Variants in HS6ST2 observed in about 807,000 individuals in gnomAD.
HS6ST2 encodes the protein heparan sulfate 6-O-sulfotransferase 2.
Under a neutral mutation model 33.0 loss-of-function variants are expected in HS6ST2, and 17 were observed. That is an observed-to-expected ratio of 0.52 (90% CI 0.35 to 0.77). HS6ST2 has a LOEUF of 0.77. Among genes scored for constraint, HS6ST2 ranks in the 30% least tolerant of loss-of-function variants. The pLI is 0.01. For synonymous variants in HS6ST2, 248 were observed against 237.1 expected (o/e 1.05, Z -0.42); for missense variants, 519 against 551.7 (o/e 0.94, Z 0.59).
chrX:132,642,611 T>A (rs2063609035), intron 4 of HS6ST2, among the ~76,000 whole-genome samples: 2 of 111,907 alleles, frequency 1.8e-5, no homozygotes, highest in Non-Finnish European at 3.8e-5. Context: ...ATGGCTGGGC[T>A]ACATGTGTGG....
rs903877090 is a variant in HS6ST2, at chrX:132,786,574, A to G, written c.948-78080T>C. Among the ~76,000 whole-genome samples, 5 of 109,498 alleles carry G rather than the reference A, an allele frequency of 4.6e-5. No individual in the cohort carries two copies. The Middle Eastern group carries it at 0.019, about 413-fold the overall frequency. On this transcript the variant is annotated intron_variant, in intron 2 of 4. Transcript: ENST00000370833. The stretch of plus-strand genomic sequence containing the variant: ...TGCCATCCTCAAAGCTGCATCTTTA[A>G]TCCTTGTCATTATCTTCTTTCTCTT...
chrX:132,823,853 A>AAAAAAAAT (rs774177926), intron 2 of HS6ST2, among the ~76,000 whole-genome samples: 3 of 92,514 alleles, frequency 3.2e-5, no homozygotes, highest in African/African-American at 1.2e-4. Flanking sequence ...ACTTCATAAA[A>AAAAAAAAT]AATAATAATA....
intron 2 of HS6ST2, among the ~76,000 whole-genome samples, chrX:132,840,913 T>A (rs1264047052): frequency 2.7e-5 from 3 of 112,517 alleles, no homozygotes; most frequent in African/African-American, 9.7e-5. Flanking sequence ...TTCATAAAAA[T>A]CGCAAAGCAA....
chrX:132,655,518 G>T (rs1366955604), intron 4 of HS6ST2, among the ~76,000 whole-genome samples: 2 of 111,528 alleles, frequency 1.8e-5, no homozygotes, highest in Admixed American at 1.9e-4. Context: ...CAAGGTACTA[G>T]AGCTGGGATA....
intron 2 of HS6ST2, among the ~76,000 whole-genome samples, chrX:132,935,796 A>ATAC (rs958902528): frequency 4.5e-5 from 5 of 110,864 alleles, no homozygotes; most frequent in African/African-American, 1.6e-4. Context: ...GAAACCAAAC[A>ATAC]TACCAAAACC....
intron 2 of HS6ST2, among the ~76,000 whole-genome samples, chrX:132,729,005 C>T (rs776064086): frequency 3.6e-5 from 4 of 112,214 alleles, no homozygotes; most frequent in Non-Finnish European, 7.5e-5. Flanking sequence ...TGTGAAGTGG[C>T]ATTAAATCTT....
chrX:132,652,328 T>C (rs1176984846), intron 4 of HS6ST2, among the ~76,000 whole-genome samples: 1 of 112,169 alleles, frequency 8.9e-6, no homozygotes, highest in Non-Finnish European at 1.9e-5. Context: ...GATGACCCAA[T>C]AGGCATTTAC....
At chrX:132,708,584 C>A in intron 2 of HS6ST2, 90 bp from the exon 3 acceptor site, 2 of 803,754 alleles carry the variant, frequency 2.5e-6, no homozygotes, top group Non-Finnish European at 1.8e-6. Context: ...GCTTTAAGAG[C>A]ATATTTCTCC....
intron 2 of HS6ST2, among the ~76,000 whole-genome samples, chrX:132,814,363 A>G (rs1356035900): frequency 8.9e-6 from 1 of 112,092 alleles, no homozygotes; most frequent in Non-Finnish European, 1.9e-5. Context: ...TTCAGTTTGA[A>G]TCTGGAGTCT....
At chrX:132,946,098 C>T (rs1297490206) in intron 2 of HS6ST2, among the ~76,000 whole-genome samples, 2 of 111,754 alleles carry the variant, frequency 1.8e-5, no homozygotes, top group East Asian at 2.8e-4. Flanking sequence ...GTTAGAATGG[C>T]GATCATTAAA....
chrX:132,665,034 T>C (rs192731454), intron 4 of HS6ST2, among the ~76,000 whole-genome samples: 58 of 112,067 alleles, frequency 5.2e-4, no homozygotes, highest in African/African-American at 1.8e-3. Context: ...AACAATACTG[T>C]TGAGGAAAGG....
At chrX:132,644,477 C>T (rs191017801) in intron 4 of HS6ST2, among the ~76,000 whole-genome samples, 1 of 111,270 alleles carries the variant, frequency 9.0e-6, no homozygotes, top group African/African-American at 3.3e-5. Context: ...AGGACCAGAA[C>T]CCAGGTTTCC....
intron 2 of HS6ST2, among the ~76,000 whole-genome samples, chrX:132,925,334 G>A (rs1447714183): frequency 2.7e-5 from 3 of 111,688 alleles, no homozygotes; most frequent in Non-Finnish European, 5.6e-5. Flanking sequence ...ATGTAAGCAA[G>A]TGTTCCTTGA....
rs1452828318 is a variant in HS6ST2, at chrX:132,957,006, AT to A, written c.748del (p.Ile250SerfsTer63). On this transcript the variant is annotated frameshift_variant, in exon 2 of 5. Transcript: ENST00000370833. LOFTEE classifies it high-confidence loss of function. ...GCACTCGCACGGCTGCTCCAGCTGG[AT>A]GTTACGCACCAAGTGGCGGCCGAAA... ...TTFGRHLVRN[I>X]QLEQPCECRV... 1 of 1,210,308 alleles carries A rather than the reference AT, an allele frequency of 8.3e-7. No homozygotes were observed. The highest frequency in any genetic ancestry group is 1.1e-6 in the Non-Finnish European group (1 of 895,109).
chrX:132,838,855 A>C (rs1245903483), intron 2 of HS6ST2, among the ~76,000 whole-genome samples: 2 of 110,104 alleles, frequency 1.8e-5, no homozygotes, highest in African/African-American at 6.6e-5. Flanking sequence ...ACAAATGACC[A>C]ACAAGCATAT....
intron 2 of HS6ST2, among the ~76,000 whole-genome samples, chrX:132,910,474 T>TTA (rs1026345337): frequency 3.6e-5 from 4 of 111,787 alleles, no homozygotes; most frequent in African/African-American, 1.3e-4. Flanking sequence ...TAAAGGCAAC[T>TTA]TATATATATT....
At chrX:132,908,551 T>C (rs1029569289) in intron 2 of HS6ST2, among the ~76,000 whole-genome samples, 1 of 112,682 alleles carries the variant, frequency 8.9e-6, no homozygotes, top group Non-Finnish European at 1.9e-5. Context: ...TGCAATGGAA[T>C]GTTATTCAGC....
In HS6ST2 at chrX:132,760,578, C is replaced by T. The variant is rs748153216; in HGVS notation, c.948-52084G>A. Among the ~76,000 whole-genome samples the T allele has an allele frequency of 2.7e-5, 3 of 111,820 alleles. No individual in the cohort carries two copies. In the East Asian group the frequency reaches 8.4e-4, roughly 31 times the overall value. On this transcript the variant is annotated intron_variant, in intron 2 of 4. Coordinates refer to ENST00000370833, the MANE Select transcript of HS6ST2 (RefSeq NM_001394073.1). ...TCCAGTCTCGGCTATTTCTTTGTAG[C>T]AGTGTGAGAACGGACTGCATCTACT... is the stretch of plus-strand genomic sequence containing the variant.
At chrX:132,688,773 G>A (rs2064039187) in intron 3 of HS6ST2, among the ~76,000 whole-genome samples, 1 of 111,827 alleles carries the variant, frequency 8.9e-6, no homozygotes, top group African/African-American at 3.3e-5. Context: ...AAGTAATCTA[G>A]TTTGAAGAGA....
Sources: allele counts gnomAD v4.1 joint callset (sites outside exome capture counted in the v4.1 genomes callset), GRCh38; gene constraint gnomAD v4.1.1; transcripts MANE v1.5; gene names NCBI Gene and HGNC (gene_info 2026-07-23, HGNC 2026-07-21).